The following ANKIB1 variants were observed in gnomAD, a reference collection of about 807,000 sequenced individuals.
The protein encoded by ANKIB1 is ankyrin repeat and IBR domain containing 1, also known as ankyrin repeat and IBR domain-containing protein 1.
A neutral mutation model predicts 122.1 loss-of-function variants in ANKIB1; 43 were observed. The ratio of observed to expected loss-of-function variants is 0.35; its 90% confidence interval spans 0.28 to 0.45. ANKIB1 has a LOEUF of 0.45. ANKIB1 is among the 20% of genes least tolerant of loss of function. The pLI, the probability that ANKIB1 is intolerant of heterozygous loss-of-function variation, is 1.00. For missense variants in ANKIB1, 992 were observed against 1,329.5 expected (o/e 0.75, Z 3.95); for synonymous variants, 390 against 442.0 (o/e 0.88, Z 1.48).
chr7:92,278,277 AT>A (rs1053196768), intron 1 of ANKIB1, among the ~76,000 whole-genome samples: 1 of 151,972 alleles, frequency 6.6e-6, no homozygotes, highest in Admixed American at 6.5e-5. Context: ...AAAATAAAGA[AT>A]TTTTTAAAAA....
At chr7:92,285,262 A>G (rs955935727) in intron 1 of ANKIB1, among the ~76,000 whole-genome samples, 4 of 152,048 alleles carry the variant, frequency 2.6e-5, no homozygotes, top group Non-Finnish European at 4.4e-5. Flanking sequence ...TGATCTACCC[A>G]CCTTGGCCTC....
chr7:92,269,215 G>A (rs1450430762), intron 1 of ANKIB1, among the ~76,000 whole-genome samples: 1 of 152,172 alleles, frequency 6.6e-6, no homozygotes, highest in Non-Finnish European at 1.5e-5. Flanking sequence ...AGCATTGAGG[G>A]ACAGGAAAAT....
intron 11 of ANKIB1, among the ~76,000 whole-genome samples, chr7:92,383,056 G>C (rs1428357272): frequency 6.6e-6 from 1 of 152,040 alleles, no homozygotes; most frequent in Non-Finnish European, 1.5e-5. Context: ...TGATAAAGGG[G>C]ATATCACCAC....
chr7:92,253,893 A>G (rs923078073), intron 1 of ANKIB1, among the ~76,000 whole-genome samples: 1 of 152,038 alleles, frequency 6.6e-6, no homozygotes, highest in Non-Finnish European at 1.5e-5. Flanking sequence ...GGTAGAATCT[A>G]TTTCTCCATC....
Position 92,394,194 on chromosome 7 carries a change from A to G in ANKIB1, c.2283+1902A>G, listed in dbSNP as rs2115718867. Among the ~76,000 whole-genome samples, 5 of 152,322 alleles carry G rather than the reference A, an allele frequency of 3.3e-5. No individual in the cohort carries two copies. In the South Asian group the frequency reaches 1.0e-3, roughly 32 times the overall value. ...ACCCCATGGAAGTTCTAGAAGGATT[A>G]AAGCATCTCATTTAGCCACTGACAA... is the stretch of plus-strand genomic sequence containing the variant. On this transcript the variant is annotated intron_variant, in intron 17 of 19. Transcript: ENST00000265742.
chr7:92,373,846 T>C (rs1804324770), intron 11 of ANKIB1, among the ~76,000 whole-genome samples: 1 of 124,756 alleles, frequency 8.0e-6, no homozygotes, highest in South Asian at 2.6e-4. Context: ...ATAAGCTTGT[T>C]TATTTTAAAA....
At chr7:92,378,817 A>G (rs1804444979) in intron 11 of ANKIB1, among the ~76,000 whole-genome samples, 1 of 152,236 alleles carries the variant, frequency 6.6e-6, no homozygotes, top group Non-Finnish European at 1.5e-5. Flanking sequence ...AAAAACTGCT[A>G]CAAACAAAAA....
chr7:92,289,407 A>ATAT (rs1233227875), intron 1 of ANKIB1, among the ~76,000 whole-genome samples: 1 of 152,214 alleles, frequency 6.6e-6, no homozygotes, highest in African/African-American at 2.4e-5. Flanking sequence ...AAGAAAGTAG[A>ATAT]TATTAATACT....
intron 10 of ANKIB1, among the ~76,000 whole-genome samples, chr7:92,367,385 A>G (rs1385665428): frequency 6.6e-6 from 1 of 152,264 alleles, no homozygotes; most frequent in African/African-American, 2.4e-5. Context: ...TTGGCCAACT[A>G]TAATACTAAA....
intron 1 of ANKIB1, among the ~76,000 whole-genome samples, chr7:92,288,740 A>G (rs994459679): frequency 1.3e-5 from 2 of 152,234 alleles, no homozygotes; most frequent in Non-Finnish European, 2.9e-5. Flanking sequence ...AGATGTATGC[A>G]TGGCAAATAA....
At chr7:92,261,838 G>A (rs1057308126) in intron 1 of ANKIB1, among the ~76,000 whole-genome samples, 3 of 152,100 alleles carry the variant, frequency 2.0e-5, no homozygotes, top group Non-Finnish European at 4.4e-5. Context: ...CAGGTATTTT[G>A]CGCTAGTGTC....
intron 5 of ANKIB1, among the ~76,000 whole-genome samples, chr7:92,328,775 A>G (rs1184288470): frequency 1.3e-5 from 2 of 151,824 alleles, no homozygotes; most frequent in Non-Finnish European, 2.9e-5. Flanking sequence ...CTAAAATAGA[A>G]TGCCATCTTC....
chr7:92,277,525 A>T (rs1043203724), intron 1 of ANKIB1, among the ~76,000 whole-genome samples: 1 of 152,188 alleles, frequency 6.6e-6, no homozygotes, highest in Non-Finnish European at 1.5e-5. Context: ...TTCCAGTCCA[A>T]TTAATTCAGT....
At position 92,368,660 on chromosome 7, in the gene ANKIB1, G is replaced by T. The variant is rs527547503; in HGVS notation, c.1487-2817G>T. Among the ~76,000 whole-genome samples, 586 of 152,070 alleles carry T rather than the reference G, an allele frequency of 3.9e-3. 2 individuals carry two copies. The highest frequency in any genetic ancestry group is 4.9e-3 in the Non-Finnish European group (330 of 67,994). On this transcript the variant is annotated intron_variant, in intron 10 of 19. Coordinates refer to ENST00000265742, the MANE Select transcript of ANKIB1 (RefSeq NM_019004.2). Reference sequence around the variant, plus strand: ...CACTTGAACCCAGGAGGCAGAGTTTGCAGTGAGCTGAGATCATGCCATTGC... The same window carrying T: ...CACTTGAACCCAGGAGGCAGAGTTTTCAGTGAGCTGAGATCATGCCATTGC...
At chr7:92,349,128 G>C (rs1013797066) in intron 7 of ANKIB1, among the ~76,000 whole-genome samples, 1 of 152,194 alleles carries the variant, frequency 6.6e-6, no homozygotes, top group Admixed American at 6.5e-5. Context: ...CCCAAGGTAA[G>C]AGCCATTAGA....
intron 11 of ANKIB1, among the ~76,000 whole-genome samples, chr7:92,379,127 A>T (rs1209983252): frequency 6.6e-6 from 1 of 152,240 alleles, no homozygotes; most frequent in African/African-American, 2.4e-5. Context: ...GCGGTGGCTC[A>T]CGCCAGTAAT....
chr7:92,257,244 A>G (rs1801467646), intron 1 of ANKIB1, among the ~76,000 whole-genome samples: 2 of 152,166 alleles, frequency 1.3e-5, no homozygotes, highest in East Asian at 1.9e-4. Context: ...AATTGTTACA[A>G]TGAAGAAGTC....
intron 7 of ANKIB1, chr7:92,347,839 A>G (rs1349863489): frequency 4.7e-5 from 12 of 255,814 alleles, no homozygotes; most frequent in Non-Finnish European, 9.2e-5. Flanking sequence ...TGTGCTTCCT[A>G]GGATTATCAT....
chr7:92,323,635 T>C (rs1802961897), intron 4 of ANKIB1, among the ~76,000 whole-genome samples: 1 of 152,182 alleles, frequency 6.6e-6, no homozygotes, highest in Non-Finnish European at 1.5e-5. Context: ...TAAATACCTA[T>C]ATTACCTGGA....
Sources: gnomAD v4.1 joint callset for allele counts (sites outside exome capture counted in the v4.1 genomes callset) on GRCh38, gnomAD v4.1.1 for gene constraint, MANE v1.5 for transcripts, NCBI Gene and HGNC (gene_info 2026-07-23, HGNC 2026-07-21) for gene names.